The following CPLANE1 variants were observed in gnomAD, a reference collection of about 807,000 sequenced individuals.
CPLANE1 encodes the protein ciliogenesis and planar polarity effector 1.
A neutral mutation model predicts 362.5 loss-of-function variants in CPLANE1; 263 were observed. That is an observed-to-expected ratio of 0.73 (90% confidence interval 0.66 to 0.80). CPLANE1 has a LOEUF of 0.80. CPLANE1 is among the 30% of genes least tolerant of loss of function. The pLI, the probability that CPLANE1 is intolerant of heterozygous loss-of-function variation, is 0.00. For synonymous variants in CPLANE1, 1,212 were observed against 1,302.6 expected (o/e 0.93, Z 1.50); for missense variants, 3,461 against 3,793.4 (o/e 0.91, Z 2.30).
At chr5:37,165,421 G>A in intron 36 of CPLANE1, 118 bp downstream of exon 36, 1 of 933,992 alleles carries the variant, frequency 1.1e-6, no homozygotes. Context: ...TGAATGATAT[G>A]AAGATCCTCC....
At chr5:37,080,814 A>C in the CPLANE1 span, among the ~76,000 whole-genome samples, 1 of 152,316 alleles carries the variant, frequency 6.6e-6, no homozygotes, top group South Asian at 2.1e-4. Context: ...AAGGCCCACA[A>C]AGCATAAAAC....
At chr5:37,142,558 T>C (rs1217942143) in intron 43 of CPLANE1, 78 bp from the exon 44 acceptor site, 1 of 948,364 alleles carries the variant, frequency 1.1e-6, no homozygotes, top group East Asian at 2.8e-5. Flanking sequence ...ATTGCCACTA[T>C]TTCCAACTGG....
At chr5:37,172,751 C>G (rs1006579109) in intron 32 of CPLANE1, among the ~76,000 whole-genome samples, 1 of 152,142 alleles carries the variant, frequency 6.6e-6, no homozygotes, top group Non-Finnish European at 1.5e-5. Flanking sequence ...TTTGGGAGGC[C>G]AAGGCAGGCA....
chr5:37,183,057 A>T lies in CPLANE1; in HGVS notation c.5124T>A (p.Thr1708=). 6.2e-7 allele frequency: 1 copy of T among 1,613,458 alleles called. No individual in the cohort carries two copies. Among genetic ancestry groups the T allele is most frequent in the South Asian group, 1.1e-5 (1 of 91,070 alleles). The change falls in exon 26 of 53, where the codon ACT becomes ACA. Residue 1708 remains threonine, a synonymous_variant. Transcript: ENST00000651892. The stretch of plus-strand genomic sequence containing the variant: ...ATCTTCTAGTTTTAATGGACTTGGG[A>T]GTCCAAAAAATGTGGTTTGATGATC... ...IQRSSNHIFW[T]PKSIKTRRCI... is the part of the protein sequence containing the mutation.
chr5:37,229,735 T>A (rs563862629), intron 9 of CPLANE1, among the ~76,000 whole-genome samples: 26 of 152,154 alleles, frequency 1.7e-4, no homozygotes, highest in Non-Finnish European at 2.9e-4. Flanking sequence ...GCACTAACTT[T>A]ATGCCAGACA....
chr5:37,079,209 A>G, the CPLANE1 span, among the ~76,000 whole-genome samples: 1 of 152,154 alleles, frequency 6.6e-6, no homozygotes, highest in South Asian at 2.1e-4. Context: ...TCTTTAATCC[A>G]TCTGGAACTA....
intron 46 of CPLANE1, among the ~76,000 whole-genome samples, chr5:37,129,772 G>A (rs1463230630): frequency 6.6e-6 from 1 of 152,138 alleles, no homozygotes; most frequent in Non-Finnish European, 1.5e-5. Context: ...CGGTTAAAAG[G>A]GAACATTTTT....
At chr5:37,098,731 C>T in the CPLANE1 span, among the ~76,000 whole-genome samples, 1 of 150,836 alleles carries the variant, frequency 6.6e-6, no homozygotes, top group African/African-American at 2.4e-5. Context: ...ACAAGAGAAA[C>T]TTTGGAAATG....
intron 16 of CPLANE1, chr5:37,212,495 CAAAA>C (rs113291300): frequency 8.6e-5 from 37 of 428,478 alleles, no homozygotes; most frequent in Middle Eastern, 7.3e-4. Context: ...ATGTGTAATC[CAAAA>C]AAAAAAAAAA....
intron 14 of CPLANE1, among the ~76,000 whole-genome samples, chr5:37,222,982 C>A (rs562993452): frequency 6.6e-6 from 1 of 152,212 alleles, no homozygotes; most frequent in African/African-American, 2.4e-5. Flanking sequence ...CCCTTTCCTA[C>A]CTAAAGTGTC....
chr5:37,101,891 G>C (rs1757308999), downstream of CPLANE1, among the ~76,000 whole-genome samples: 1 of 152,116 alleles, frequency 6.6e-6, no homozygotes, highest in African/African-American at 2.4e-5. Context: ...TGTGCATAGA[G>C]GTGTTTATAG....
At chr5:37,185,133 G>C in intron 24 of CPLANE1, 54 bp from the exon 25 acceptor site, 1 of 1,505,876 alleles carries the variant, frequency 6.6e-7, no homozygotes, top group Non-Finnish European at 8.9e-7. Context: ...TTCAATTCAA[G>C]ACATAGGAGA....
Position 37,153,735 on chromosome 5 carries a change from T to C in CPLANE1, c.8373+5A>G. ...AACAAAAAACTAAAAATAAAGGTAG[T>C]CTACCTTATCACAATGTAGATCTAG... On this transcript the variant is annotated splice_donor_5th_base_variant and intron_variant, in intron 42 of 52. Coordinates refer to ENST00000651892, the MANE Select transcript of CPLANE1 (RefSeq NM_001384732.1). The C allele has an allele frequency of 6.3e-7, 1 of 1,599,352 alleles. No individual in the cohort carries two copies. Among genetic ancestry groups the C allele is most frequent in the Non-Finnish European group, 8.6e-7 (1 of 1,168,238 alleles).
chr5:37,184,775 A>C lies in CPLANE1; in HGVS notation c.4481+13T>G. 6.3e-7 allele frequency: 1 copy of C among 1,595,122 alleles called. No homozygotes were observed. Among genetic ancestry groups the C allele is most frequent in the Middle Eastern group, 1.7e-4 (1 of 5,906 alleles). On this transcript the variant is annotated intron_variant, in intron 25 of 52. Transcript: ENST00000651892. ...GGAAGTGAATGCCAGTGATTAAAAG[A>C]TCTCAATTGTACCTTTGATAGATAT...
In CPLANE1 at chr5:37,107,421, CAA is replaced by C; in HGVS notation, c.*179_*180del. On this transcript the variant is annotated 3_prime_UTR_variant, in exon 53 of 53. Coordinates refer to ENST00000651892, the MANE Select transcript of CPLANE1 (RefSeq NM_001384732.1). Reference sequence around the variant, plus strand: ...ATAGTCAACCCTTTCCCCATAAAGGCAAAGTTACTGAGAAATGTTTATTTTTC... The same window carrying C: ...ATAGTCAACCCTTTCCCCATAAAGGCAGTTACTGAGAAATGTTTATTTTTC... 7.8e-7 allele frequency: 1 copy of C among 1,278,210 alleles called. No homozygotes were observed. Among genetic ancestry groups the C allele is most frequent in the African/African-American group, 1.5e-5 (1 of 65,270 alleles). The allele number at this position is 1,278,210 out of a possible 1,614,324, so 79.2% of individuals were successfully genotyped here.
rs576771478 is a variant in CPLANE1, at chr5:37,108,213, AAAAC to A, written c.9579+76_9579+79del. On this transcript the variant is annotated intron_variant, in intron 52 of 52. Coordinates refer to ENST00000651892, the MANE Select transcript of CPLANE1 (RefSeq NM_001384732.1). Reference sequence around the variant, plus strand: ...CCACATCCCACAAAAAACAAACTAAAAAACAAACAAACAAACAAACAAAAAACCT... The same window carrying A: ...CCACATCCCACAAAAAACAAACTAAAAAACAAACAAACAAACAAAAAACCT... The A allele has an allele frequency of 6.3e-4, 869 of 1,381,432 alleles. 3 individuals carry two copies. In the African/African-American group the frequency reaches 7.4e-3, roughly 12 times the overall value. The allele number at this position is 1,381,432 out of a possible 1,614,324, so 85.6% of individuals were successfully genotyped here. A position where few individuals can be genotyped will look rare whatever the true frequency, so the allele number is the denominator to read the frequency against.
chr5:37,242,651 C>A (rs1800805684), intron 6 of CPLANE1, among the ~76,000 whole-genome samples: 1 of 152,098 alleles, frequency 6.6e-6, no homozygotes, highest in Non-Finnish European at 1.5e-5. Context: ...TTTGTAAAGC[C>A]TCAGAACTTG....
rs891028589 is a variant in CPLANE1 at position 37,106,406 on chromosome 5, C to T, written c.*1196G>A. The T allele has an allele frequency of 1.5e-5, 3 of 196,650 alleles. No individual in the cohort carries two copies. Among genetic ancestry groups the T allele is most frequent in the African/African-American group, 7.1e-5 (3 of 42,222 alleles). 12.2% of individuals were successfully genotyped at this position (196,650 alleles called of 1,614,324 possible). A position where few individuals can be genotyped will look rare whatever the true frequency, so the allele number is the denominator to read the frequency against. On this transcript the variant is annotated 3_prime_UTR_variant, in exon 53 of 53. Coordinates refer to ENST00000651892, the MANE Select transcript of CPLANE1 (RefSeq NM_001384732.1). ...TATCCCAATTACCCTGATTTGATTG[C>T]TACACATTGTATGCACATATCAAAA...
At chr5:37,184,654 G>C (rs1417324084) in intron 25 of CPLANE1, 134 bp downstream of exon 25, 1 of 659,536 alleles carries the variant, frequency 1.5e-6, no homozygotes, top group African/African-American at 1.8e-5. Context: ...GAGTGGAGGG[G>C]GTGGCACTTA....
Sources: gnomAD v4.1 joint callset for allele counts (sites outside exome capture counted in the v4.1 genomes callset) on GRCh38, gnomAD v4.1.1 for gene constraint, MANE v1.5 for transcripts, NCBI Gene and HGNC (gene_info 2026-07-23, HGNC 2026-07-21) for gene names.